AKT3: variants seen among roughly 807,000 people sequenced by gnomAD.
The protein encoded by AKT3 is AKT serine/threonine kinase 3.
AKT3 carries 15 observed loss-of-function variants against 65.3 expected under a neutral mutation model. The observed-to-expected ratio is 0.23, with a 90% CI of 0.15 to 0.35. AKT3 has a LOEUF of 0.35. Ranked by LOEUF, AKT3 falls within the 10% of genes least tolerant of loss-of-function variation. The pLI, the probability that AKT3 is intolerant of heterozygous loss-of-function variation, is 1.00. For synonymous variants in AKT3, 206 were observed against 183.8 expected, an observed-to-expected ratio of 1.12 and a Z score of -0.98; for missense variants, 243 against 576.5, an observed-to-expected ratio of 0.42 and a Z score of 5.92.
chr1:243,559,373 T>A lies in AKT3; in HGVS notation c.948+4347A>T, dbSNP rs531034107. Reference sequence around the variant, plus strand: ...TACATTAGCAGTATTGTTAAATGCTTCCCAAGTTGGAAAACTGCATTGTAA... The same window carrying A: ...TACATTAGCAGTATTGTTAAATGCTACCCAAGTTGGAAAACTGCATTGTAA... On this transcript the variant is annotated intron_variant, in intron 10 of 13. Coordinates refer to ENST00000673466, the MANE Select transcript of AKT3 (RefSeq NM_005465.7). Among the ~76,000 whole-genome samples, 3 of 152,228 alleles carry A rather than the reference T, an allele frequency of 2.0e-5. No homozygotes were observed. In the East Asian group the frequency reaches 5.8e-4, roughly 29 times the overall value.
At chr1:243,595,421 T>A (rs1177608457) in intron 8 of AKT3, among the ~76,000 whole-genome samples, 1 of 152,226 alleles carries the variant, frequency 6.6e-6, no homozygotes, top group Admixed American at 6.5e-5. Flanking sequence ...GTATAATGTA[T>A]AAAATAATTA....
chr1:243,563,970 T>A, intron 9 of AKT3, 122 bp from the exon 10 acceptor site: 1 of 876,988 alleles, frequency 1.1e-6, no homozygotes. Flanking sequence ...TTGTAGCTAA[T>A]AGAACGCTCA....
intron 6 of AKT3, chr1:243,625,027 C>T (rs547163567): frequency 2.8e-6 from 1 of 358,716 alleles, no homozygotes; most frequent in East Asian, 7.8e-5. Context: ...TGTCGGTCAG[C>T]TTCCAGGTAT....
intron 8 of AKT3, among the ~76,000 whole-genome samples, chr1:243,581,705 C>T (rs534060922): frequency 1.4e-4 from 21 of 152,008 alleles, no homozygotes; most frequent in Middle Eastern, 6.8e-3. Flanking sequence ...AGTGATACCA[C>T]CAAAGGATCA....
intron 2 of AKT3, among the ~76,000 whole-genome samples, chr1:243,769,452 T>A (rs780080780): frequency 2.2e-4 from 34 of 152,218 alleles, no homozygotes; most frequent in Non-Finnish European, 4.4e-4. Context: ...TTTCTCCATA[T>A]CCTCACCAAC....
chr1:243,712,830 C>G (rs542498170), intron 2 of AKT3, among the ~76,000 whole-genome samples: 1 of 152,220 alleles, frequency 6.6e-6, no homozygotes, highest in East Asian at 1.9e-4. Context: ...TGAAAACATT[C>G]CAGATATATC....
intron 8 of AKT3, among the ~76,000 whole-genome samples, chr1:243,610,563 T>G (rs1168875961): frequency 6.6e-6 from 1 of 152,242 alleles, no homozygotes; most frequent in Non-Finnish European, 1.5e-5. Context: ...TTTCCCTTGG[T>G]CATCCATTCA....
At chr1:243,762,975 T>C (rs1223121012) in intron 2 of AKT3, among the ~76,000 whole-genome samples, 4 of 152,086 alleles carry the variant, frequency 2.6e-5, no homozygotes, top group African/African-American at 9.6e-5. Context: ...ATATCAAATT[T>C]TTCTACTGAA....
intron 8 of AKT3, 78 bp downstream of exon 8, chr1:243,613,593 G>A (rs1354103131): frequency 1.7e-6 from 2 of 1,169,632 alleles, no homozygotes; most frequent in Non-Finnish European, 2.4e-6. Context: ...CTGCTATATT[G>A]TAACTTGTAT....
intron 6 of AKT3, among the ~76,000 whole-genome samples, chr1:243,633,781 A>C (rs1018900658): frequency 3.3e-5 from 5 of 152,166 alleles, no homozygotes; most frequent in Admixed American, 3.3e-4. Flanking sequence ...GTCAGTCCTT[A>C]TCACGACTCA....
At chr1:243,684,977 A>C (rs1684182969) in intron 3 of AKT3, among the ~76,000 whole-genome samples, 1 of 152,058 alleles carries the variant, frequency 6.6e-6, no homozygotes. Flanking sequence ...GTTTGTTCAT[A>C]TCCTTTGCCC....
At chr1:243,586,259 C>T (rs149144630) in intron 8 of AKT3, among the ~76,000 whole-genome samples, 231 of 152,170 alleles carry the variant, frequency 1.5e-3, no homozygotes, top group Middle Eastern at 0.01. Flanking sequence ...GTTGACAAGG[C>T]TGCAGAGAAA....
intron 8 of AKT3, among the ~76,000 whole-genome samples, chr1:243,587,440 G>A (rs1170325068): frequency 1.3e-5 from 2 of 151,978 alleles, no homozygotes; most frequent in South Asian, 2.1e-4. Context: ...GCGAAACCCC[G>A]TCCCTACCAA....
intron 2 of AKT3, among the ~76,000 whole-genome samples, chr1:243,782,940 T>C (rs1003034557): frequency 1.3e-5 from 2 of 152,192 alleles, no homozygotes; most frequent in African/African-American, 2.4e-5. Flanking sequence ...GCCTGTGATA[T>C]TGTAATATTA....
chr1:243,711,815 A>G (rs936466350), intron 2 of AKT3, among the ~76,000 whole-genome samples: 2 of 152,198 alleles, frequency 1.3e-5, no homozygotes, highest in Admixed American at 1.3e-4. Flanking sequence ...AAGTTAAGTG[A>G]TATTTAAATC....
At position 243,773,705 on chromosome 1, in the gene AKT3, G is replaced by A. The variant is rs147500809; in HGVS notation, c.46+69420C>T. Among the ~76,000 whole-genome samples, 9 of 152,308 alleles carry A rather than the reference G, an allele frequency of 5.9e-5. No homozygotes were observed. In the East Asian group the frequency reaches 1.7e-3, roughly 29 times the overall value. ...CATTGTGAGAATCAAATTATACTGTGTATGACCTAGCACAGACACCCAGAC... is the reference window on the plus strand; with the variant it reads ...CATTGTGAGAATCAAATTATACTGTATATGACCTAGCACAGACACCCAGAC... On this transcript the variant is annotated intron_variant, in intron 2 of 13. Coordinates refer to ENST00000673466, the MANE Select transcript of AKT3 (RefSeq NM_005465.7).
At chr1:243,689,860 A>G (rs886802754) in intron 3 of AKT3, among the ~76,000 whole-genome samples, 1 of 152,180 alleles carries the variant, frequency 6.6e-6, no homozygotes, top group Non-Finnish European at 1.5e-5. Flanking sequence ...TGGGAGGATC[A>G]CTTAAGCTTG....
At chr1:243,706,973 G>T (rs181182366) in intron 2 of AKT3, among the ~76,000 whole-genome samples, 1 of 152,328 alleles carries the variant, frequency 6.6e-6, no homozygotes, top group African/African-American at 2.4e-5. Flanking sequence ...CTCACTAGCT[G>T]TGTGAGAGAC....
chr1:243,542,260 T>A (rs1672372942), intron 12 of AKT3, among the ~76,000 whole-genome samples: 1 of 152,214 alleles, frequency 6.6e-6, no homozygotes, highest in South Asian at 2.1e-4. Flanking sequence ...TGAAGGTAGT[T>A]AAAGGATCAT....
Sources: allele counts gnomAD v4.1 joint callset (sites outside exome capture counted in the v4.1 genomes callset), GRCh38; gene constraint gnomAD v4.1.1; transcripts MANE v1.5; gene names NCBI Gene and HGNC (gene_info 2026-07-23, HGNC 2026-07-21).